Variants in CHST9 observed in about 807,000 individuals in gnomAD.
CHST9 encodes carbohydrate sulfotransferase 9.
In CHST9, 41 loss-of-function variants were observed where a neutral mutation model predicts 44.4. That is an observed-to-expected ratio of 0.92 (90% CI 0.72 to 1.20). The LOEUF (loss-of-function observed/expected upper bound fraction) is 1.20, where lower values mean the gene tolerates loss of function less well. Among genes scored for constraint, CHST9 ranks in the 50% most tolerant of loss-of-function variants. CHST9 has a pLI of 0.00. For missense variants in CHST9, 504 were observed against 516.5 expected (o/e 0.98, Z 0.23); for synonymous variants, 171 against 178.4 (o/e 0.96, Z 0.33).
At chr18:27,031,283 C>T (rs1251942831) in intron 3 of CHST9, among the ~76,000 whole-genome samples, 3 of 152,166 alleles carry the variant, frequency 2.0e-5, no homozygotes, top group African/African-American at 7.2e-5. Context: ...TTGAATGAAA[C>T]TTGTAATCCT....
intron 4 of CHST9, among the ~76,000 whole-genome samples, chr18:26,984,369 G>T (rs1177863282): frequency 6.6e-6 from 1 of 152,102 alleles, no homozygotes; most frequent in Non-Finnish European, 1.5e-5. Flanking sequence ...AACTGATTTT[G>T]GATAGATTGT....
intron 2 of CHST9, among the ~76,000 whole-genome samples, chr18:27,083,399 TA>T (rs2057979299): frequency 6.6e-6 from 1 of 152,184 alleles, no homozygotes; most frequent in Non-Finnish European, 1.5e-5. Context: ...TTTACTTTTG[TA>T]TTACAAGGCT....
In CHST9 at chr18:26,914,422, A is replaced by G. The variant is rs528253623; in HGVS notation, c.*1837T>C. 3 of 152,426 alleles carry G rather than the reference A, an allele frequency of 2.0e-5. No individual in the cohort carries two copies. Among genetic ancestry groups the G allele is most frequent in the African/African-American group, 7.2e-5 (3 of 41,580 alleles). The allele number at this position is 152,426 out of a possible 1,614,324, so 9.4% of individuals were successfully genotyped here. On this transcript the variant is annotated 3_prime_UTR_variant, in exon 6 of 6. Transcript: ENST00000618847. ...TTTTATTTTCTCTCTCCATAAAAAG[A>G]TAATTTCAATTTCCCTAAATTACTA... is the stretch of plus-strand genomic sequence containing the variant.
chr18:27,029,924 T>TA (rs1415506294), intron 3 of CHST9, among the ~76,000 whole-genome samples: 1 of 152,208 alleles, frequency 6.6e-6, no homozygotes, highest in Non-Finnish European at 1.5e-5. Context: ...CAAGTCCTTC[T>TA]TTAGGTAATA....
At chr18:27,141,755 A>G (rs2058569816) in intron 2 of CHST9, among the ~76,000 whole-genome samples, 2 of 151,368 alleles carry the variant, frequency 1.3e-5, no homozygotes, top group South Asian at 4.2e-4. Flanking sequence ...AAAAAAAAAA[A>G]AAAAAGAAAA....
intron 2 of CHST9, among the ~76,000 whole-genome samples, chr18:27,116,256 G>C (rs1050420422): frequency 1.1e-4 from 17 of 152,040 alleles, no homozygotes; most frequent in African/African-American, 3.9e-4. Context: ...TATAGTTTAG[G>C]CTCTTACATT....
intron 2 of CHST9, among the ~76,000 whole-genome samples, chr18:27,049,744 G>T (rs546249026): frequency 6.6e-6 from 1 of 152,228 alleles, no homozygotes; most frequent in South Asian, 2.1e-4. Context: ...CTGACCACGT[G>T]CTCAGTCATA....
At chr18:27,183,485 T>C (rs573076179) in intron 1 of CHST9, among the ~76,000 whole-genome samples, 2 of 152,306 alleles carry the variant, frequency 1.3e-5, no homozygotes, top group South Asian at 2.1e-4. Flanking sequence ...CCAACATCTA[T>C]ATGCAAGGTG....
At chr18:27,147,969 A>C (rs929093722) in intron 1 of CHST9, among the ~76,000 whole-genome samples, 2 of 151,598 alleles carry the variant, frequency 1.3e-5, no homozygotes, top group African/African-American at 4.9e-5. Context: ...CCCAGGTATT[A>C]AGCCTGGTAC....
chr18:26,975,725 GTATATATATATATATATATATATATA>G lies in CHST9; in HGVS notation c.203-31385_203-31360del, dbSNP rs59671204. On this transcript the variant is annotated intron_variant, in intron 4 of 5. Transcript: ENST00000618847. ...TGTGTATATATGTGTGTGTGTGTGTGTATATATATATATATATATATATATATATATATATATATAACATTTTCTTT... is the reference window on the plus strand; with the variant it reads ...TGTGTATATATGTGTGTGTGTGTGTGTATATATATATATAACATTTTCTTT... 4.9e-5 allele frequency among the ~76,000 whole-genome samples: 5 copies of G among 101,842 alleles called. No homozygotes were observed. In the East Asian group the frequency reaches 8.7e-4, roughly 18 times the overall value. The allele number at this position is 101,842 out of a possible 152,430, so 66.8% of individuals were successfully genotyped here.
chr18:27,031,297 C>A (rs4621057), intron 3 of CHST9, among the ~76,000 whole-genome samples: 59,117 of 151,784 alleles, frequency 0.39, 11,943 homozygotes, highest in East Asian at 0.49. Flanking sequence ...TAATCCTGGT[C>A]CCCAAACCAC....
At chr18:27,049,532 G>C (rs544913844) in intron 2 of CHST9, among the ~76,000 whole-genome samples, 1 of 152,034 alleles carries the variant, frequency 6.6e-6, no homozygotes, top group African/African-American at 2.4e-5. Context: ...TAAGAAAAGA[G>C]ATATAGCCAT....
intron 1 of CHST9, among the ~76,000 whole-genome samples, chr18:27,162,632 T>G (rs1220079880): frequency 1.3e-5 from 2 of 152,228 alleles, no homozygotes; most frequent in Non-Finnish European, 2.9e-5. Context: ...GTTCTCTGTA[T>G]TTCCTGAAAC....
At chr18:27,112,750 C>A (rs2058283647) in intron 2 of CHST9, among the ~76,000 whole-genome samples, 6 of 149,490 alleles carry the variant, frequency 4.0e-5, no homozygotes, top group Admixed American at 4.0e-4. Flanking sequence ...AGTCAAGAAG[C>A]AAAAAAAATA....
intron 1 of CHST9, among the ~76,000 whole-genome samples, chr18:27,181,628 T>C (rs911506974): frequency 6.6e-6 from 1 of 152,236 alleles, no homozygotes; most frequent in Non-Finnish European, 1.5e-5. Context: ...AATAGTAAGA[T>C]GCATACATTA....
intron 5 of CHST9, among the ~76,000 whole-genome samples, chr18:26,921,675 C>T (rs1198445895): frequency 6.6e-6 from 1 of 151,156 alleles, no homozygotes; most frequent in Non-Finnish European, 1.5e-5. Flanking sequence ...AAAGTCCCAT[C>T]ATCATCATCA....
chr18:26,966,183 T>G (rs1568112700), intron 4 of CHST9, among the ~76,000 whole-genome samples: 1 of 152,370 alleles, frequency 6.6e-6, no homozygotes, highest in South Asian at 2.1e-4. Context: ...TGACAACTTT[T>G]AATGATTTTT....
In CHST9 at chr18:26,916,695, C is replaced by A; in HGVS notation, c.896G>T (p.Ser299Ile). ...CTTTCCGAATACTGGATGGTAATAA[C>A]TATTGGGGTGTTCAAATTTGTCCCT... ...AFRDKFEHPN[S>I]YYHPVFGKAI... Residue 299 changes from serine (S) to isoleucine (I), a missense_variant, in exon 6 of 6, where the codon AGT (serine) becomes ATT (isoleucine). Coordinates refer to ENST00000618847, the MANE Select transcript of CHST9 (RefSeq NM_031422.6). The A allele has an allele frequency of 6.2e-7, 1 of 1,613,872 alleles. No individual in the cohort carries two copies. Among genetic ancestry groups the A allele is most frequent in the Non-Finnish European group, 8.5e-7 (1 of 1,179,806 alleles).
chr18:27,121,791 C>T (rs1007219745), intron 2 of CHST9, among the ~76,000 whole-genome samples: 2 of 152,184 alleles, frequency 1.3e-5, no homozygotes, highest in Admixed American at 6.5e-5. Flanking sequence ...TCTGAAATCA[C>T]TCTGGACTTT....
Sources: gnomAD v4.1 joint callset for allele counts (sites outside exome capture counted in the v4.1 genomes callset) on GRCh38, gnomAD v4.1.1 for gene constraint, MANE v1.5 for transcripts, NCBI Gene and HGNC (gene_info 2026-07-23, HGNC 2026-07-21) for gene names.